Variants in PTPRM observed in about 807,000 individuals in gnomAD.
PTPRM encodes the protein receptor-type tyrosine-protein phosphatase mu.
In PTPRM, 47 loss-of-function variants were observed where a neutral mutation model predicts 186.7. The observed-to-expected ratio is 0.25, with a 90% CI of 0.20 to 0.32. The LOEUF (loss-of-function observed/expected upper bound fraction) is 0.32. Among genes scored for constraint, PTPRM ranks in the 10% least tolerant of loss-of-function variants. PTPRM has a pLI of 1.00. For synonymous variants in PTPRM, 668 were observed against 674.9 expected (o/e 0.99, Z 0.16); for missense variants, 1,494 against 1,865.0 (o/e 0.80, Z 3.66).
chr18:8,197,366 A>C (rs2093793810), intron 14 of PTPRM, among the ~76,000 whole-genome samples: 1 of 152,218 alleles, frequency 6.6e-6, no homozygotes, highest in South Asian at 2.1e-4. Flanking sequence ...TGACTATTAC[A>C]TACAAATTTC....
At chr18:8,173,288 T>A (rs1030439461) in intron 14 of PTPRM, among the ~76,000 whole-genome samples, 2 of 152,212 alleles carry the variant, frequency 1.3e-5, no homozygotes, top group African/African-American at 4.8e-5. Context: ...AATTTTCAGA[T>A]ATAATGGTAA....
intron 2 of PTPRM, among the ~76,000 whole-genome samples, chr18:7,812,200 T>C (rs948261342): frequency 1.3e-5 from 2 of 152,230 alleles, no homozygotes; most frequent in African/African-American, 4.8e-5. Flanking sequence ...AGTTTTTCTC[T>C]GCCCATCATT....
At chr18:7,637,193 A>AC (rs2038337612) in intron 1 of PTPRM, among the ~76,000 whole-genome samples, 4 of 151,028 alleles carry the variant, frequency 2.6e-5, no homozygotes, top group South Asian at 2.1e-4. Flanking sequence ...AAAACAGTGT[A>AC]ATTCATTTGC....
intron 7 of PTPRM, among the ~76,000 whole-genome samples, chr18:8,046,302 T>TA (rs1277119327): frequency 6.6e-6 from 1 of 152,126 alleles, no homozygotes; most frequent in African/African-American, 2.4e-5. Flanking sequence ...ACTAATACAG[T>TA]AAAAAAGTCT....
At chr18:8,180,592 G>C (rs1235362369) in intron 14 of PTPRM, among the ~76,000 whole-genome samples, 2 of 152,154 alleles carry the variant, frequency 1.3e-5, no homozygotes, top group Non-Finnish European at 2.9e-5. Context: ...TGGGCTGTTC[G>C]AATGCGCAGT....
intron 1 of PTPRM, among the ~76,000 whole-genome samples, chr18:7,572,184 C>T (rs2036580667): frequency 6.6e-6 from 1 of 152,068 alleles, no homozygotes; most frequent in Non-Finnish European, 1.5e-5. Flanking sequence ...TTTAGTCTCT[C>T]ATGTTTTCAA....
chr18:7,891,328 T>TCTAG (rs1178772113), intron 3 of PTPRM, among the ~76,000 whole-genome samples: 2 of 148,444 alleles, frequency 1.3e-5, no homozygotes, highest in African/African-American at 5.1e-5. Flanking sequence ...GCAGAATCTC[T>TCTAG]CTAGCTAGTG....
intron 12 of PTPRM, among the ~76,000 whole-genome samples, chr18:8,114,034 T>C (rs1196330896): frequency 6.6e-6 from 1 of 152,044 alleles, no homozygotes; most frequent in Non-Finnish European, 1.5e-5. Flanking sequence ...CTGGCAATTC[T>C]GCTTAGCTTA....
At chr18:7,777,092 G>A (rs1244835460) in intron 2 of PTPRM, among the ~76,000 whole-genome samples, 1 of 152,148 alleles carries the variant, frequency 6.6e-6, no homozygotes, top group Non-Finnish European at 1.5e-5. Context: ...ATTTCTCAGG[G>A]CAAATGGGTG....
intron 7 of PTPRM, among the ~76,000 whole-genome samples, chr18:8,014,366 T>A (rs896462557): frequency 6.6e-6 from 1 of 152,178 alleles, no homozygotes; most frequent in Non-Finnish European, 1.5e-5. Flanking sequence ...TCAAAGGTTT[T>A]TTTGTTTGTT....
At chr18:8,005,193 T>C (rs1213710271) in intron 7 of PTPRM, among the ~76,000 whole-genome samples, 1 of 152,202 alleles carries the variant, frequency 6.6e-6, no homozygotes, top group Non-Finnish European at 1.5e-5. Flanking sequence ...AAAATGTCTG[T>C]CTCAATTAAG....
chr18:7,749,082 G>A (rs1012061248), intron 1 of PTPRM: 2 of 151,960 alleles, frequency 1.3e-5, no homozygotes, highest in African/African-American at 2.4e-5. Context: ...TTAAGTCTTC[G>A]AGCTGCTCTC....
intron 20 of PTPRM, among the ~76,000 whole-genome samples, chr18:8,311,305 G>A (rs543022828): frequency 1.1e-4 from 17 of 149,350 alleles, no homozygotes; most frequent in South Asian, 4.3e-4. Context: ...ACAAAACTCC[G>A]TCTCAAAAAA....
At chr18:8,217,611 T>C (rs1347465843) in intron 14 of PTPRM, among the ~76,000 whole-genome samples, 2 of 152,198 alleles carry the variant, frequency 1.3e-5, no homozygotes, top group Non-Finnish European at 2.9e-5. Flanking sequence ...ATATTGTTTC[T>C]TTGATAACTC....
At chr18:7,984,563 T>C (rs981889780) in intron 7 of PTPRM, among the ~76,000 whole-genome samples, 2 of 127,288 alleles carry the variant, frequency 1.6e-5, no homozygotes, top group Middle Eastern at 4.0e-3. Flanking sequence ...GCCCCATATA[T>C]ATATGCCCCA....
intron 7 of PTPRM, among the ~76,000 whole-genome samples, chr18:7,964,283 A>C (rs757560879): frequency 1.3e-4 from 20 of 152,226 alleles, no homozygotes; most frequent in Admixed American, 5.9e-4. Flanking sequence ...GCCTTTGTGA[A>C]CATTCAGAGG....
intron 7 of PTPRM, among the ~76,000 whole-genome samples, chr18:7,979,842 T>A (rs887546853): frequency 5.3e-5 from 8 of 152,120 alleles, no homozygotes; most frequent in Non-Finnish European, 1.0e-4. Context: ...TCCAGTGAAG[T>A]GACTTGGGAC....
intron 7 of PTPRM, among the ~76,000 whole-genome samples, chr18:7,991,696 T>C (rs2083277611): frequency 6.6e-6 from 1 of 152,166 alleles, no homozygotes; most frequent in Non-Finnish European, 1.5e-5. Context: ...AAATCTTAGC[T>C]GCCTGACCCA....
At chr18:7,654,850 T>A (rs1351223651) in intron 1 of PTPRM, among the ~76,000 whole-genome samples, 1 of 152,176 alleles carries the variant, frequency 6.6e-6, no homozygotes, top group East Asian at 1.9e-4. Flanking sequence ...TTGTTTACTG[T>A]AGCCCTGTAG....
Sources: allele counts gnomAD v4.1 joint callset (sites outside exome capture counted in the v4.1 genomes callset), GRCh38; gene constraint gnomAD v4.1.1; transcripts MANE v1.5; gene names NCBI Gene and HGNC (gene_info 2026-07-23, HGNC 2026-07-21).